Variants in ZNF407 observed in about 807,000 individuals in gnomAD.
The protein encoded by ZNF407 is zinc finger protein 407.
ZNF407 carries 17 observed loss-of-function variants against 131.2 expected under a neutral mutation model. That is an observed-to-expected ratio of 0.13 (90% CI 0.09 to 0.19). The LOEUF (loss-of-function observed/expected upper bound fraction) is 0.19. Ranked by LOEUF, ZNF407 falls within the 10% of genes least tolerant of loss-of-function variation. ZNF407 has a pLI of 1.00. For synonymous variants in ZNF407, 1,156 were observed against 1,062.0 expected, an observed-to-expected ratio of 1.09 and a Z score of -1.72; for missense variants, 2,681 against 2,830.6, an observed-to-expected ratio of 0.95 and a Z score of 1.20.
intron 4 of ZNF407, among the ~76,000 whole-genome samples, chr18:74,848,804 A>G (rs1196437398): frequency 6.6e-6 from 1 of 152,148 alleles, no homozygotes; most frequent in Non-Finnish European, 1.5e-5. Context: ...ATCTCTGGCT[A>G]GAATTTAGGC....
rs562433443 is a variant in ZNF407, at chr18:75,016,297, G to A, written c.5429-46853G>A. ...TTGCTTTTCTCATTTCCTTATTTGG[G>A]GCTAATTTTTGACTCCTTAAAATTA... On this transcript the variant is annotated intron_variant, in intron 8 of 8. Transcript: ENST00000299687. Among the ~76,000 whole-genome samples the A allele has an allele frequency of 2.0e-5, 3 of 151,826 alleles. No individual in the cohort carries two copies. In the East Asian group the frequency reaches 5.8e-4, roughly 30 times the overall value.
chr18:74,837,831 T>C (rs1225363433), intron 4 of ZNF407, among the ~76,000 whole-genome samples: 1 of 152,108 alleles, frequency 6.6e-6, no homozygotes, highest in Admixed American at 6.5e-5. Flanking sequence ...TTTTTGTATT[T>C]TTTGTAGGGA....
Position 74,631,526 on chromosome 18 carries a change from C to T in ZNF407, c.507C>T (p.Pro169=). Residue 169 remains proline (P), a synonymous_variant, in exon 2 of 9, where the codon CCC becomes CCT. Coordinates refer to ENST00000299687, the MANE Select transcript of ZNF407 (RefSeq NM_017757.3). The part of the protein sequence containing the change: ...SLDLERESPF[P]PKEISVSCTI... ...ATCTGGAAAGAGAATCTCCTTTCCC[C>T]CCGAAAGAAATTAGTGTTAGTTGTA... 3.7e-6 allele frequency: 6 copies of T among 1,613,798 alleles called. No individual in the cohort carries two copies. The highest frequency in any genetic ancestry group is 5.1e-6 in the Non-Finnish European group (6 of 1,179,902).
At chr18:75,013,743 C>A (rs1257753076) in intron 8 of ZNF407, among the ~76,000 whole-genome samples, 2 of 152,052 alleles carry the variant, frequency 1.3e-5, no homozygotes, top group Non-Finnish European at 2.9e-5. Flanking sequence ...CCCTGAAGAG[C>A]TCTGAGGAAC....
intron 3 of ZNF407, among the ~76,000 whole-genome samples, chr18:74,665,969 G>A (rs1262591672): frequency 6.6e-6 from 1 of 152,134 alleles, no homozygotes; most frequent in Non-Finnish European, 1.5e-5. Flanking sequence ...CGTTGCCACC[G>A]TTAAATGAAG....
At chr18:74,851,585 G>C (rs568437139) in intron 4 of ZNF407, among the ~76,000 whole-genome samples, 72 of 152,306 alleles carry the variant, frequency 4.7e-4, no homozygotes, top group African/African-American at 1.7e-3. Flanking sequence ...TGGTGACCAA[G>C]ATTAATGAAA....
At chr18:74,989,842 CA>C (rs34483149) in intron 8 of ZNF407, among the ~76,000 whole-genome samples, 30,296 of 103,354 alleles carry the variant, frequency 0.29, 3,231 homozygotes, top group Middle Eastern at 0.41. Context: ...AACTCTGTCT[CA>C]AAAAAAAAAA....
intron 8 of ZNF407, among the ~76,000 whole-genome samples, chr18:74,923,985 T>TATAC (rs1443973537): frequency 6.6e-6 from 1 of 152,210 alleles, no homozygotes; most frequent in Non-Finnish European, 1.5e-5. Flanking sequence ...GTACAAAAGT[T>TATAC]GTATATTCAC....
intron 8 of ZNF407, among the ~76,000 whole-genome samples, chr18:74,970,172 C>A (rs140705597): frequency 6.6e-5 from 10 of 152,008 alleles, no homozygotes; most frequent in African/African-American, 2.4e-4. Flanking sequence ...CCCCCGCCCC[C>A]CTCCAGTCCC....
At chr18:74,825,078 A>G (rs528183888) in intron 4 of ZNF407, among the ~76,000 whole-genome samples, 31 of 152,354 alleles carry the variant, frequency 2.0e-4, no homozygotes, top group African/African-American at 7.5e-4. Flanking sequence ...AATAAATGTA[A>G]TCCATCACAT....
intron 2 of ZNF407, among the ~76,000 whole-genome samples, chr18:74,640,470 A>G (rs1984662147): frequency 6.6e-6 from 1 of 152,168 alleles, no homozygotes; most frequent in Non-Finnish European, 1.5e-5. Flanking sequence ...TGTTATTAAA[A>G]ATATAGATAA....
intron 3 of ZNF407, among the ~76,000 whole-genome samples, chr18:74,651,311 A>G (rs1436235775): frequency 6.6e-6 from 1 of 152,216 alleles, no homozygotes; most frequent in Non-Finnish European, 1.5e-5. Context: ...CTGATTAACA[A>G]CAGCAATTAA....
intron 8 of ZNF407, among the ~76,000 whole-genome samples, chr18:75,050,528 A>G (rs536338915): frequency 1.3e-5 from 2 of 152,318 alleles, no homozygotes; most frequent in South Asian, 4.1e-4. Context: ...CCTGAGTCCA[A>G]ACTCCCACAG....
chr18:74,640,477 A>C (rs879611367), intron 2 of ZNF407, among the ~76,000 whole-genome samples: 2 of 152,194 alleles, frequency 1.3e-5, no homozygotes, highest in Non-Finnish European at 2.9e-5. Flanking sequence ...AAAAATATAG[A>C]TAATAATTTG....
At chr18:74,627,739 C>G (rs1199357501) in intron 1 of ZNF407, among the ~76,000 whole-genome samples, 1 of 152,126 alleles carries the variant, frequency 6.6e-6, no homozygotes, top group Non-Finnish European at 1.5e-5. Flanking sequence ...CCGAGAAATC[C>G]TGTGGTAAAG....
At chr18:74,623,876 A>G (rs1411517402) in intron 1 of ZNF407, among the ~76,000 whole-genome samples, 1 of 152,136 alleles carries the variant, frequency 6.6e-6, no homozygotes, top group African/African-American at 2.4e-5. Context: ...GTGTTTGGGT[A>G]AGATGGATAC....
intron 3 of ZNF407, among the ~76,000 whole-genome samples, chr18:74,682,836 G>C (rs1261989076): frequency 6.6e-6 from 1 of 152,178 alleles, no homozygotes; most frequent in Non-Finnish European, 1.5e-5. Context: ...CTTTTATGCT[G>C]ACAGGCGCAT....
chr18:75,054,097 G>A (rs2122272377), intron 8 of ZNF407, among the ~76,000 whole-genome samples: 1 of 152,358 alleles, frequency 6.6e-6, no homozygotes, highest in African/African-American at 2.4e-5. Context: ...CAACTCCGTT[G>A]GAAAGAGCAG....
chr18:74,626,241 G>C (rs1357589113), intron 1 of ZNF407, among the ~76,000 whole-genome samples: 1 of 152,208 alleles, frequency 6.6e-6, no homozygotes, highest in Non-Finnish European at 1.5e-5. Flanking sequence ...GGGCCAAACA[G>C]AATTCTTATA....
Sources: allele counts gnomAD v4.1 joint callset (sites outside exome capture counted in the v4.1 genomes callset), GRCh38; gene constraint gnomAD v4.1.1; transcripts MANE v1.5; gene names NCBI Gene and HGNC (gene_info 2026-07-23, HGNC 2026-07-21).